SLC9A9: variants seen among roughly 807,000 people sequenced by gnomAD.
SLC9A9 encodes the protein solute carrier family 9 member A9, also known as sodium/hydrogen exchanger 9.
A neutral mutation model predicts 77.8 loss-of-function variants in SLC9A9; 62 were observed. That is an observed-to-expected ratio of 0.80 (90% CI 0.65 to 0.98). The LOEUF (loss-of-function observed/expected upper bound fraction) is 0.98. SLC9A9 is among the 50% of genes least tolerant of loss of function. The probability of loss-of-function intolerance (pLI) is 0.00; values close to 1 mark genes in which losing one functional copy is unlikely to be tolerated. For synonymous variants in SLC9A9, 320 were observed against 283.5 expected (o/e 1.13, Z -1.29); for missense variants, 775 against 774.9 (o/e 1.00, Z 0.00).
chr3:143,429,347 A>T (rs2034465647), intron 12 of SLC9A9, among the ~76,000 whole-genome samples: 1 of 152,150 alleles, frequency 6.6e-6, no homozygotes, highest in Non-Finnish European at 1.5e-5. Flanking sequence ...GGCTGTGAGG[A>T]TGTTTGGATG....
intron 4 of SLC9A9, among the ~76,000 whole-genome samples, chr3:143,769,823 T>C (rs927352609): frequency 6.6e-6 from 1 of 152,182 alleles, no homozygotes; most frequent in South Asian, 2.1e-4. Context: ...GGATGGATGA[T>C]GTTTACATGC....
intron 4 of SLC9A9, among the ~76,000 whole-genome samples, chr3:143,754,993 C>T (rs533938912): frequency 5.9e-5 from 9 of 152,244 alleles, no homozygotes; most frequent in East Asian, 5.8e-4. Context: ...GTTTATAGCA[C>T]CCGGACAAAT....
chr3:143,813,991 G>A (rs183568572), intron 2 of SLC9A9, among the ~76,000 whole-genome samples: 47 of 152,244 alleles, frequency 3.1e-4, no homozygotes, highest in African/African-American at 1.1e-3. Flanking sequence ...GCGATAGAAT[G>A]GAAAGAAAGA....
chr3:143,847,059 G>C (rs1055159394), intron 1 of SLC9A9, among the ~76,000 whole-genome samples: 1 of 152,114 alleles, frequency 6.6e-6, no homozygotes, highest in African/African-American at 2.4e-5. Flanking sequence ...TAAGGCTTAG[G>C]ATTCCTTAGG....
At chr3:143,344,679 T>C (rs746928448) in intron 14 of SLC9A9, 1 of 152,268 alleles carries the variant, frequency 6.6e-6, no homozygotes, top group African/African-American at 2.4e-5. Context: ...TGTAGTTTAG[T>C]GACTCTGACC....
At chr3:143,412,797 C>T (rs568547357) in intron 12 of SLC9A9, among the ~76,000 whole-genome samples, 5 of 152,328 alleles carry the variant, frequency 3.3e-5, no homozygotes, top group East Asian at 1.9e-4. Context: ...CTCTAAATAA[C>T]GTGAAGGCAG....
At chr3:143,542,859 A>G (rs1481141621) in intron 9 of SLC9A9, among the ~76,000 whole-genome samples, 1 of 152,234 alleles carries the variant, frequency 6.6e-6, no homozygotes, top group African/African-American at 2.4e-5. Flanking sequence ...TAAACTTTTC[A>G]TATAGACCAC....
intron 13 of SLC9A9, 78 bp from the exon 14 acceptor site, chr3:143,363,641 T>C: frequency 7.5e-7 from 1 of 1,339,324 alleles, no homozygotes; most frequent in East Asian, 2.5e-5. Context: ...TCAAACCAAG[T>C]TAAATTTAAC....
chr3:143,365,143 G>A (rs1274532843), intron 13 of SLC9A9, among the ~76,000 whole-genome samples: 2 of 152,146 alleles, frequency 1.3e-5, no homozygotes, highest in Non-Finnish European at 2.9e-5. Context: ...GGATGGAGCT[G>A]GAGGCTATTA....
At chr3:143,524,974 C>T (rs2036380109) in intron 9 of SLC9A9, among the ~76,000 whole-genome samples, 1 of 152,110 alleles carries the variant, frequency 6.6e-6, no homozygotes, top group African/African-American at 2.4e-5. Context: ...CTTGGCCCTC[C>T]CAGCCTCTAG....
chr3:143,819,187 A>G (rs2009106094), intron 2 of SLC9A9, among the ~76,000 whole-genome samples: 1 of 152,248 alleles, frequency 6.6e-6, no homozygotes, highest in South Asian at 2.1e-4. Flanking sequence ...AGAGAAAAAT[A>G]ACAAGTTATC....
chr3:143,291,629 C>G (rs1400883338), intron 14 of SLC9A9, among the ~76,000 whole-genome samples: 1 of 152,166 alleles, frequency 6.6e-6, no homozygotes, highest in Non-Finnish European at 1.5e-5. Flanking sequence ...CTTAAAATAC[C>G]TAGTAATGGA....
intron 12 of SLC9A9, among the ~76,000 whole-genome samples, chr3:143,430,454 G>C (rs1422243344): frequency 6.6e-6 from 1 of 152,184 alleles, no homozygotes; most frequent in Non-Finnish European, 1.5e-5. Context: ...CTGGCATAGG[G>C]CCTGGTCCCT....
At chr3:143,614,229 T>C (rs2038068086) in intron 6 of SLC9A9, among the ~76,000 whole-genome samples, 1 of 152,158 alleles carries the variant, frequency 6.6e-6, no homozygotes, top group African/African-American at 2.4e-5. Flanking sequence ...CTCAATTTCA[T>C]GTTCCTGTTT....
At chr3:143,652,524 G>T (rs2038814953) in intron 5 of SLC9A9, among the ~76,000 whole-genome samples, 164 bp from the exon 6 acceptor site, 1 of 152,034 alleles carries the variant, frequency 6.6e-6, no homozygotes, top group African/African-American at 2.4e-5. Flanking sequence ...TGCTTAAGAG[G>T]CTTCTCTTGG....
Position 143,692,008 on chromosome 3 carries a change from T to G in SLC9A9, c.649+1184A>C, listed in dbSNP as rs984893036. On this transcript the variant is annotated intron_variant, in intron 5 of 15. Coordinates refer to ENST00000316549, the MANE Select transcript of SLC9A9 (RefSeq NM_173653.4). ...CTCTGGAGGTGATGAAATAGAAGGGTCCCAGCACCACCTTTAAAGTAATCA... is the reference window on the plus strand; with the variant it reads ...CTCTGGAGGTGATGAAATAGAAGGGGCCCAGCACCACCTTTAAAGTAATCA... Among the ~76,000 whole-genome samples the G allele has an allele frequency of 1.3e-5, 2 of 151,948 alleles. 1 individual carries two copies. The highest frequency in any genetic ancestry group is 2.9e-5 in the Non-Finnish European group (2 of 67,972).
intron 8 of SLC9A9, among the ~76,000 whole-genome samples, chr3:143,563,742 T>C (rs749986136): frequency 1.3e-5 from 2 of 152,212 alleles, no homozygotes; most frequent in Non-Finnish European, 2.9e-5. Flanking sequence ...TAAATCTATT[T>C]GTTGCCAATA....
At chr3:143,750,401 C>T (rs1208150601) in intron 4 of SLC9A9, among the ~76,000 whole-genome samples, 10 of 152,182 alleles carry the variant, frequency 6.6e-5, no homozygotes, top group Admixed American at 6.5e-4. Context: ...AAGGCCTTAG[C>T]CCAGGTCCTA....
intron 2 of SLC9A9, among the ~76,000 whole-genome samples, chr3:143,799,045 G>A (rs1032244230): frequency 1.3e-5 from 2 of 152,064 alleles, no homozygotes; most frequent in Non-Finnish European, 2.9e-5. Context: ...TCTGTTCCAC[G>A]ACTAGTCCTC....
Sources: allele counts gnomAD v4.1 joint callset (sites outside exome capture counted in the v4.1 genomes callset), GRCh38; gene constraint gnomAD v4.1.1; transcripts MANE v1.5; gene names NCBI Gene and HGNC (gene_info 2026-07-23, HGNC 2026-07-21).